The following PLAA variants were observed in gnomAD, a reference collection of about 807,000 sequenced individuals.
PLAA encodes phospholipase A2 activating protein.
Under a neutral mutation model 84.1 loss-of-function variants are expected in PLAA, and 48 were observed. The observed-to-expected ratio is 0.57, with a 90% CI of 0.45 to 0.73. PLAA has a LOEUF of 0.73. Among genes scored for constraint, PLAA ranks in the 30% least tolerant of loss-of-function variants. PLAA has a pLI of 0.00. For missense variants in PLAA, 903 were observed against 954.7 expected (o/e 0.95, Z 0.71); for synonymous variants, 392 against 336.6 (o/e 1.16, Z -1.80).
Position 26,927,175 on chromosome 9 carries a change from C to T in PLAA, c.566-615G>A, listed in dbSNP as rs145513567. ...TCACTTTGTGGCCCAAGCTGGAGTGCACTGGCACTACCTCTGCTCACTGCA... is the reference window on the plus strand; with the variant it reads ...TCACTTTGTGGCCCAAGCTGGAGTGTACTGGCACTACCTCTGCTCACTGCA... On this transcript the variant is annotated intron_variant, in intron 4 of 13. Coordinates refer to ENST00000397292, the MANE Select transcript of PLAA (RefSeq NM_001031689.3). 1.4e-3 allele frequency among the ~76,000 whole-genome samples: 196 copies of T among 142,414 alleles called. 1 individual carries two copies. The highest frequency in any genetic ancestry group is 2.5e-3 in the Non-Finnish European group (170 of 67,248). The allele number at this position is 142,414 out of a possible 152,430, so 93.4% of individuals were successfully genotyped here. A position where few individuals can be genotyped will look rare whatever the true frequency, so the allele number is the denominator to read the frequency against.
chr9:26,915,864 A>C (rs1824536010), intron 10 of PLAA: 1 of 985,280 alleles, frequency 1.0e-6, no homozygotes, highest in Non-Finnish European at 1.2e-6. Flanking sequence ...AAAGCCGCCA[A>C]AGTGATTTGG....
chr9:26,923,603 C>G (rs1463870005), intron 6 of PLAA, among the ~76,000 whole-genome samples: 1 of 152,150 alleles, frequency 6.6e-6, no homozygotes, highest in South Asian at 2.1e-4. Flanking sequence ...TATTTACCAT[C>G]ATAAGAATCT....
rs118086494 is a variant in PLAA at position 26,945,350 on chromosome 9, T to C, written c.149+1547A>G. On this transcript the variant is annotated intron_variant, in intron 1 of 13. Transcript: ENST00000397292. ...CAATGGTTATATTCTACTGGGCTTA[T>C]GCTTCTACTGGATTCAATTTTAAAG... Among the ~76,000 whole-genome samples, 477 of 152,354 alleles carry C rather than the reference T, an allele frequency of 3.1e-3. 1 individual carries two copies. The highest frequency in any genetic ancestry group is 0.014 in the Middle Eastern group (4 of 294).
In PLAA at chr9:26,939,079, G is replaced by A. The variant is rs559871191; in HGVS notation, c.150-3873C>T. Among the ~76,000 whole-genome samples, 381 of 152,262 alleles carry A rather than the reference G, an allele frequency of 2.5e-3. 2 individuals are homozygous for A. The highest frequency in any genetic ancestry group is 8.9e-3 in the African/African-American group (369 of 41,568). On this transcript the variant is annotated intron_variant, in intron 1 of 13. Coordinates refer to ENST00000397292, the MANE Select transcript of PLAA (RefSeq NM_001031689.3). ...AAATAGAATATACACTAAGGAAATG[G>A]GGAAGGAATTTAAACATAAATAAAC...
intron 11 of PLAA, 114 bp from the exon 12 acceptor site, chr9:26,910,553 G>C (rs1036934096): frequency 1.7e-6 from 1 of 579,814 alleles, no homozygotes; most frequent in Non-Finnish European, 2.9e-6. Flanking sequence ...TTCAGTGCGT[G>C]CAATAAACAA....
At chr9:26,923,070 A>C (rs1824821432) in intron 7 of PLAA, 108 bp downstream of exon 7, 1 of 752,812 alleles carries the variant, frequency 1.3e-6, no homozygotes. Flanking sequence ...CTCAAAAATC[A>C]GCATCTAGCA....
chr9:26,933,801 AAAAAAAAAAAAAT>A (rs1288952740), intron 2 of PLAA, among the ~76,000 whole-genome samples: 2 of 124,970 alleles, frequency 1.6e-5, no homozygotes, highest in East Asian at 1.0e-3. Context: ...AAAAAAAAAA[AAAAAAAAAAAAAT>A]TTTTTGTTTT....
chr9:26,944,605 A>T (rs1825632107), intron 1 of PLAA, among the ~76,000 whole-genome samples: 1 of 152,154 alleles, frequency 6.6e-6, no homozygotes, highest in South Asian at 2.1e-4. Context: ...AAAAAATCAC[A>T]AAAAAAGCCT....
intron 10 of PLAA, 42 bp downstream of exon 10, chr9:26,917,055 C>T (rs1249361519): frequency 4.7e-6 from 7 of 1,498,664 alleles, no homozygotes; most frequent in African/African-American, 4.1e-5. Context: ...AGATGCTATA[C>T]ATTTAGTGAA....
rs146902843 is a variant in PLAA at position 26,909,866 on chromosome 9, C to T, written c.1657+472G>A. 9.2e-5 allele frequency among the ~76,000 whole-genome samples: 14 copies of T among 152,220 alleles called. No homozygotes were observed. In the East Asian group the frequency reaches 1.2e-3, roughly 13 times the overall value. The stretch of plus-strand genomic sequence containing the variant: ...CTCGAACTCCTGACCTTAGGCAGTC[C>T]GCCCGCCTTGGCCTCCCAAAGTGCT... On this transcript the variant is annotated intron_variant, in intron 12 of 13. Coordinates refer to ENST00000397292, the MANE Select transcript of PLAA (RefSeq NM_001031689.3).
At chr9:26,935,686 A>G (rs1825335361) in intron 1 of PLAA, among the ~76,000 whole-genome samples, 4 of 152,158 alleles carry the variant, frequency 2.6e-5, no homozygotes, top group Non-Finnish European at 1.5e-5. Flanking sequence ...CTACATAGCT[A>G]GAACAGGGGT....
At chr9:26,908,068 CT>C (rs757747370) in intron 12 of PLAA, 70 bp from the exon 13 acceptor site, 29 of 1,212,116 alleles carry the variant, frequency 2.4e-5, no homozygotes, top group Non-Finnish European at 3.1e-5. Flanking sequence ...AATGCCAAGA[CT>C]TTCAATAAAA....
intron 1 of PLAA, among the ~76,000 whole-genome samples, chr9:26,937,483 A>G (rs1342780740): frequency 6.6e-6 from 1 of 152,180 alleles, no homozygotes; most frequent in African/African-American, 2.4e-5. Context: ...TTCAACCACA[A>G]CAAAAAAATC....
intron 2 of PLAA, among the ~76,000 whole-genome samples, chr9:26,933,632 C>CA (rs1324245648): frequency 1.3e-5 from 2 of 150,490 alleles, no homozygotes; most frequent in Admixed American, 1.3e-4. Context: ...ACTAAAAATA[C>CA]AAAAAAATTA....
rs1202927904 is a variant in PLAA, at chr9:26,946,900, T to C, written c.146A>G (p.Asp49Gly). The C allele has an allele frequency of 3.2e-6, 5 of 1,580,630 alleles. No homozygotes were observed. Among genetic ancestry groups the C allele is most frequent in the Non-Finnish European group, 4.3e-6 (5 of 1,164,066 alleles). The change falls in exon 1 of 14, where the codon GAC becomes GGC. Residue 49 changes from aspartate (D) to glycine (G), a missense_variant. Coordinates refer to ENST00000397292, the MANE Select transcript of PLAA (RefSeq NM_001031689.3). ...CAACCCGACTCCCAGCGCTCACCTG[T>C]CTGGGGCCCAGAGGCGGGTGGTGCG... ...RDRTTRLWAP[D>G]SPNRSFTEMH...
rs534040398 is a variant in PLAA, at chr9:26,918,407, C to T, written c.1417+903G>A. ...CCTCCCAAAGTGCTGGGATTACAGG[C>T]GTCAGCCACCACACCTGGCCTGATA... On this transcript the variant is annotated intron_variant, in intron 9 of 13. Coordinates refer to ENST00000397292, the MANE Select transcript of PLAA (RefSeq NM_001031689.3). Among the ~76,000 whole-genome samples the T allele has an allele frequency of 2.6e-5, 4 of 151,264 alleles. No individual in the cohort carries two copies. In the South Asian group the frequency reaches 8.3e-4, roughly 32 times the overall value.
intron 9 of PLAA, 59 bp downstream of exon 9, chr9:26,919,251 C>CA (rs1469695623): frequency 2.0e-5 from 21 of 1,066,380 alleles, no homozygotes; most frequent in Admixed American, 1.1e-4. Flanking sequence ...TTGAAAACAT[C>CA]AAAAAAATCA....
At chr9:26,941,203 C>T (rs551659011) in intron 1 of PLAA, among the ~76,000 whole-genome samples, 1 of 150,442 alleles carries the variant, frequency 6.6e-6, no homozygotes, top group South Asian at 2.1e-4. Context: ...GAGGGATGTG[C>T]AGCTAGACAA....
At chr9:26,910,563 A>C in intron 11 of PLAA, 124 bp from the exon 12 acceptor site, 3 of 496,668 alleles carry the variant, frequency 6.0e-6, no homozygotes, top group Non-Finnish European at 1.1e-5. Flanking sequence ...GCAATAAACA[A>C]GGAACCTCAA....
Sources: gnomAD v4.1 joint callset for allele counts (sites outside exome capture counted in the v4.1 genomes callset) on GRCh38, gnomAD v4.1.1 for gene constraint, MANE v1.5 for transcripts, NCBI Gene and HGNC (gene_info 2026-07-23, HGNC 2026-07-21) for gene names.